The following CCDC7 variants were observed in gnomAD, a reference collection of about 807,000 sequenced individuals.
CCDC7 encodes coiled-coil domain-containing protein 7.
In CCDC7, 183 loss-of-function variants were observed where a neutral mutation model predicts 196.9. The ratio of observed to expected loss-of-function variants is 0.93; its 90% CI spans 0.82 to 1.05. The LOEUF is 1.05. Ranked by LOEUF, CCDC7 falls within the 50% of genes least tolerant of loss-of-function variation. The pLI is 0.00. For synonymous variants in CCDC7, 525 were observed against 484.6 expected, an observed-to-expected ratio of 1.08 and a Z score of -1.10; for missense variants, 1,540 against 1,482.2, an observed-to-expected ratio of 1.04 and a Z score of -0.64.
chr10:32,806,361 T>C (rs1373960454), intron 30 of CCDC7, among the ~76,000 whole-genome samples: 9 of 152,098 alleles, frequency 5.9e-5, no homozygotes, highest in African/African-American at 1.2e-4. Flanking sequence ...GTATGACCCA[T>C]ACACAGAAGA....
chr10:32,549,641 AT>A (rs2053129277), intron 13 of CCDC7, among the ~76,000 whole-genome samples: 1 of 152,098 alleles, frequency 6.6e-6, no homozygotes, highest in South Asian at 2.1e-4. Flanking sequence ...TGTTTAGCCA[AT>A]TATCCCAGCA....
intron 41 of CCDC7, among the ~76,000 whole-genome samples, chr10:32,870,409 G>A (rs531093225): frequency 3.9e-4 from 59 of 152,182 alleles, no homozygotes; most frequent in Non-Finnish European, 7.2e-4. Context: ...TCTGTTATTG[G>A]TGTATAAGAA....
chr10:32,694,758 A>G (rs1275151016), intron 23 of CCDC7, 121 bp from the exon 25 acceptor site: 2 of 532,812 alleles, frequency 3.8e-6, no homozygotes, highest in South Asian at 3.6e-5. Flanking sequence ...GATTTCTGAT[A>G]ATTTACTTAC....
chr10:32,753,491 G>C (rs1008122826), intron 28 of CCDC7, among the ~76,000 whole-genome samples: 14 of 152,102 alleles, frequency 9.2e-5, no homozygotes, highest in Admixed American at 2.0e-4. Flanking sequence ...TTTAGGAGAT[G>C]AGGAGAGTAA....
At chr10:32,854,324 A>G in intron 40 of CCDC7, 76 bp from the exon 42 acceptor site, 1 of 895,948 alleles carries the variant, frequency 1.1e-6, no homozygotes, top group South Asian at 1.7e-5. Context: ...GAATACTAAG[A>G]TTTATTTTAA....
chr10:32,562,594 T>C (rs1236687624), intron 13 of CCDC7, among the ~76,000 whole-genome samples: 2 of 152,160 alleles, frequency 1.3e-5, no homozygotes, highest in Non-Finnish European at 2.9e-5. Flanking sequence ...TTTGACAAAA[T>C]TCAACAACGC....
chr10:32,622,305 G>A (rs2063506260), intron 18 of CCDC7, among the ~76,000 whole-genome samples: 1 of 151,942 alleles, frequency 6.6e-6, no homozygotes, highest in Admixed American at 6.6e-5. Flanking sequence ...TCTCAAATAG[G>A]TAAATTCAAA....
intron 25 of CCDC7, among the ~76,000 whole-genome samples, chr10:32,713,488 G>T (rs555172950): frequency 1.3e-5 from 2 of 152,354 alleles, no homozygotes; most frequent in South Asian, 4.1e-4. Context: ...GGGTCTGTAT[G>T]TTAGATCCCA....
chr10:32,600,301 G>GTTT (rs35364422), intron 18 of CCDC7, among the ~76,000 whole-genome samples: 5,702 of 146,250 alleles, frequency 0.039, 111 homozygotes, highest in Non-Finnish European at 0.05. Context: ...TATATTTCTA[G>GTTT]TTTTTTTTTT....
At chr10:32,693,754 C>T (rs571794504) in intron 23 of CCDC7, among the ~76,000 whole-genome samples, 1 of 152,252 alleles carries the variant, frequency 6.6e-6, no homozygotes, top group South Asian at 2.1e-4. Context: ...AATTTCCTCC[C>T]ACATTCCAAA....
chr10:32,714,793 G>A (rs780723824), intron 25 of CCDC7, among the ~76,000 whole-genome samples: 7 of 152,150 alleles, frequency 4.6e-5, no homozygotes, highest in Non-Finnish European at 1.0e-4. Flanking sequence ...GTTCGAATTC[G>A]GTGCAGAACC....
intron 18 of CCDC7, among the ~76,000 whole-genome samples, chr10:32,616,257 C>A (rs1322115671): frequency 6.6e-6 from 1 of 151,902 alleles, no homozygotes; most frequent in African/African-American, 2.4e-5. Context: ...GTAGTATGGT[C>A]ATTTCAATAA....
chr10:32,725,016 A>G (rs1022990880), intron 25 of CCDC7, among the ~76,000 whole-genome samples: 4 of 152,112 alleles, frequency 2.6e-5, no homozygotes, highest in African/African-American at 9.7e-5. Flanking sequence ...TCCTTAGAAT[A>G]CACGTATATA....
chr10:32,543,334 C>A, exon 12 of CCDC7: 1 of 1,462,976 alleles, frequency 6.8e-7, no homozygotes, highest in South Asian at 1.5e-5. Flanking sequence ...ACAAAGAAAG[C>A]TGTGAAAACA....
intron 20 of CCDC7, among the ~76,000 whole-genome samples, chr10:32,661,989 T>G (rs1009763544): frequency 2.0e-5 from 3 of 152,078 alleles, no homozygotes; most frequent in Admixed American, 6.6e-5. Flanking sequence ...GAAGTTAAGT[T>G]CCAGGGAACT....
intron 18 of CCDC7, among the ~76,000 whole-genome samples, chr10:32,621,717 G>C (rs1236028182): frequency 1.3e-5 from 2 of 152,144 alleles, no homozygotes; most frequent in Admixed American, 1.3e-4. Context: ...ACAACCAGGA[G>C]CTCCAATTCC....
intron 41 of CCDC7, 97 bp from the exon 43 acceptor site, chr10:32,876,250 T>C (rs1262914070): frequency 1.2e-6 from 1 of 852,710 alleles, no homozygotes; most frequent in Non-Finnish European, 1.9e-6. Flanking sequence ...ATATTATTCA[T>C]ACATTCTGTT....
At chr10:32,543,719 C>T (rs2051913288) in intron 12 of CCDC7, among the ~76,000 whole-genome samples, 2 of 152,006 alleles carry the variant, frequency 1.3e-5, no homozygotes, top group Admixed American at 6.6e-5. Context: ...GTTAACTCCA[C>T]AGTGTTGGCT....
intron 24 of CCDC7, among the ~76,000 whole-genome samples, chr10:32,705,573 C>G (rs948791756): frequency 3.9e-5 from 6 of 152,068 alleles, no homozygotes; most frequent in African/African-American, 1.4e-4. Context: ...TCAGGAGACC[C>G]ATCTCACGTG....
Sources: gnomAD v4.1 joint callset for allele counts (sites outside exome capture counted in the v4.1 genomes callset) on GRCh38, gnomAD v4.1.1 for gene constraint, MANE v1.5 for transcripts, NCBI Gene and HGNC (gene_info 2026-07-23, HGNC 2026-07-21) for gene names.